STAU2: variants seen among roughly 807,000 people sequenced by gnomAD.
STAU2 encodes the protein staufen double-stranded RNA binding protein 2.
STAU2 carries 20 observed loss-of-function variants against 65.9 expected under a neutral mutation model. The observed-to-expected ratio is 0.30, with a 90% CI of 0.21 to 0.44. The LOEUF is 0.44. STAU2 is among the 20% of genes least tolerant of loss of function. STAU2 has a pLI of 1.00. For missense variants in STAU2, 558 were observed against 683.9 expected (o/e 0.82, Z 2.05); for synonymous variants, 232 against 233.9 (o/e 0.99, Z 0.07).
intron 5 of STAU2, among the ~76,000 whole-genome samples, chr8:73,685,980 A>C (rs1477547148): frequency 6.6e-6 from 1 of 152,240 alleles, no homozygotes; most frequent in East Asian, 1.9e-4. Context: ...AGCCATAAAA[A>C]GGAATGAAAT....
chr8:73,585,941 G>A (rs889070081), intron 11 of STAU2, among the ~76,000 whole-genome samples: 4 of 152,144 alleles, frequency 2.6e-5, no homozygotes, highest in African/African-American at 4.8e-5. Flanking sequence ...CCTTTTACTC[G>A]GTATTCATTT....
intron 13 of STAU2, among the ~76,000 whole-genome samples, chr8:73,467,426 G>T (rs927017550): frequency 6.6e-5 from 10 of 152,126 alleles, no homozygotes; most frequent in African/African-American, 2.4e-4. Flanking sequence ...CAGCTACGTG[G>T]GAGGCTGAGG....
At chr8:73,639,363 G>A (rs542898261) in intron 6 of STAU2, among the ~76,000 whole-genome samples, 1 of 152,076 alleles carries the variant, frequency 6.6e-6, no homozygotes, top group Non-Finnish European at 1.5e-5. Flanking sequence ...GCTCTTTGAA[G>A]GGAGGACATG....
At chr8:73,612,264 T>C (rs182716908) in intron 9 of STAU2, among the ~76,000 whole-genome samples, 51 of 152,352 alleles carry the variant, frequency 3.3e-4, no homozygotes, top group Non-Finnish European at 6.3e-4. Flanking sequence ...TAACAATGAA[T>C]ACTTAATAAT....
intron 11 of STAU2, chr8:73,590,536 G>T (rs897950937): frequency 3.9e-5 from 6 of 152,138 alleles, no homozygotes; most frequent in Admixed American, 3.9e-4. Flanking sequence ...AAAAAATAAC[G>T]TGAAATTTTC....
chr8:73,435,908 C>A (rs1239804952), intron 13 of STAU2, among the ~76,000 whole-genome samples: 1 of 151,808 alleles, frequency 6.6e-6, no homozygotes, highest in African/African-American at 2.4e-5. Context: ...CCGAGAGGAG[C>A]CTGGGTCTGT....
intron 3 of STAU2, among the ~76,000 whole-genome samples, chr8:73,735,732 T>C (rs925947525): frequency 6.6e-6 from 1 of 152,204 alleles, no homozygotes; most frequent in African/African-American, 2.4e-5. Flanking sequence ...ATCCAGGGAA[T>C]TGCTTGTGGC....
At chr8:73,570,280 T>G (rs538618780) in intron 12 of STAU2, among the ~76,000 whole-genome samples, 1 of 152,024 alleles carries the variant, frequency 6.6e-6, no homozygotes, top group African/African-American at 2.4e-5. Flanking sequence ...TAAAAAGAAA[T>G]GAACAAAGCC....
chr8:73,558,620 A>G (rs918462378), intron 12 of STAU2, among the ~76,000 whole-genome samples: 3 of 152,234 alleles, frequency 2.0e-5, no homozygotes, highest in Non-Finnish European at 2.9e-5. Context: ...GCTGAAGAAG[A>G]TAAGTGTTTG....
At position 73,590,587 on chromosome 8, in the gene STAU2, A is replaced by C. The variant is rs1226404206; in HGVS notation, c.1161+4579T>G. On this transcript the variant is annotated intron_variant, in intron 11 of 14. Transcript: ENST00000524300. Reference sequence around the variant, plus strand: ...TGAAGAGCAGCAGCCATAGTTCTGCATTACCCCATGCCCATGGGCCTCAAC... The same window carrying C: ...TGAAGAGCAGCAGCCATAGTTCTGCCTTACCCCATGCCCATGGGCCTCAAC... The C allele has an allele frequency of 3.9e-5, 6 of 152,336 alleles. No homozygotes were observed. In the East Asian group the frequency reaches 1.2e-3, roughly 29 times the overall value. 9.4% of individuals were successfully genotyped at this position (152,336 alleles called of 1,614,324 possible).
chr8:73,633,078 T>C (rs1232601493), intron 6 of STAU2, among the ~76,000 whole-genome samples: 1 of 152,316 alleles, frequency 6.6e-6, no homozygotes, highest in Admixed American at 6.5e-5. Context: ...TCCAGCATGA[T>C]ACCTAGCACT....
intron 8 of STAU2, among the ~76,000 whole-genome samples, chr8:73,614,738 T>C (rs1225669301): frequency 6.7e-6 from 1 of 149,844 alleles, no homozygotes; most frequent in African/African-American, 2.5e-5. Flanking sequence ...CTGTTCTTAC[T>C]CATTGTAGCC....
intron 11 of STAU2, among the ~76,000 whole-genome samples, chr8:73,591,330 A>G (rs35410349): frequency 1.1e-3 from 163 of 149,028 alleles, no homozygotes; most frequent in Admixed American, 1.4e-3. Context: ...AAGTGCGGGG[A>G]AAAAAAAAGG....
chr8:73,676,921 A>G (rs1003292337), intron 5 of STAU2, among the ~76,000 whole-genome samples: 1 of 152,218 alleles, frequency 6.6e-6, no homozygotes, highest in Non-Finnish European at 1.5e-5. Context: ...TCTATTCATC[A>G]AAATGTACCC....
At chr8:73,668,841 C>CT in intron 6 of STAU2, 1 of 450,246 alleles carries the variant, frequency 2.2e-6, no homozygotes, top group Non-Finnish European at 3.9e-6. Context: ...TTCAGTTCTT[C>CT]TTAGGCCTTT....
At chr8:73,548,531 T>C (rs1353671148) in intron 13 of STAU2, among the ~76,000 whole-genome samples, 6 of 152,200 alleles carry the variant, frequency 3.9e-5, no homozygotes, top group East Asian at 3.8e-4. Flanking sequence ...TGAGTTGAAA[T>C]GTATTCAGCG....
intron 3 of STAU2, among the ~76,000 whole-genome samples, chr8:73,711,559 A>G (rs1820903798): frequency 6.6e-6 from 1 of 151,938 alleles, no homozygotes; most frequent in African/African-American, 2.4e-5. Context: ...ACATATTAGA[A>G]GCATACAAAC....
chr8:73,453,362 T>G (rs1285748952), intron 13 of STAU2, among the ~76,000 whole-genome samples: 1 of 152,252 alleles, frequency 6.6e-6, no homozygotes, highest in Non-Finnish European at 1.5e-5. Flanking sequence ...TGGCAATTAT[T>G]AATCCCAAAC....
chr8:73,539,967 A>G (rs1429668249), intron 13 of STAU2, among the ~76,000 whole-genome samples: 1 of 146,092 alleles, frequency 6.8e-6, no homozygotes, highest in Non-Finnish European at 1.6e-5. Flanking sequence ...AAGGAAAAAG[A>G]GAGAAAAAAG....
Sources: allele counts gnomAD v4.1 joint callset (sites outside exome capture counted in the v4.1 genomes callset), GRCh38; gene constraint gnomAD v4.1.1; transcripts MANE v1.5; gene names NCBI Gene and HGNC (gene_info 2026-07-23, HGNC 2026-07-21).